TG: variants seen among roughly 807,000 people sequenced by gnomAD.
The protein encoded by TG is thyroglobulin.
Under a neutral mutation model 324.7 loss-of-function variants are expected in TG, and 270 were observed. That is an observed-to-expected ratio of 0.83 (90% CI 0.75 to 0.92). The LOEUF (loss-of-function observed/expected upper bound fraction) is 0.92. Ranked by LOEUF, TG falls within the 40% of genes least tolerant of loss-of-function variation. The pLI, the probability that TG is intolerant of heterozygous loss-of-function variation, is 0.00. For synonymous variants in TG, 1,401 were observed against 1,327.0 expected, an observed-to-expected ratio of 1.06 and a Z score of -1.21; for missense variants, 3,591 against 3,456.4, an observed-to-expected ratio of 1.04 and a Z score of -0.98.
chr8:132,934,606 C>A (rs1823286648), intron 24 of TG, among the ~76,000 whole-genome samples: 1 of 152,172 alleles, frequency 6.6e-6, no homozygotes, highest in Non-Finnish European at 1.5e-5. Context: ...TTTTTGCTCT[C>A]CAAGGCTCTT....
intron 18 of TG, among the ~76,000 whole-genome samples, chr8:132,909,377 T>C (rs532463299): frequency 6.6e-6 from 1 of 152,214 alleles, no homozygotes; most frequent in South Asian, 2.1e-4. Context: ...GCTGAAGACA[T>C]GTGTTTCAAA....
intron 41 of TG, chr8:133,040,151 C>A (rs369387375): frequency 3.8e-6 from 6 of 1,574,180 alleles, no homozygotes; most frequent in Non-Finnish European, 5.2e-6. Context: ...AAGCAGACAG[C>A]CGGTCAGGGA....
rs1241186060 is a variant in TG at position 132,972,592 on chromosome 8, C to T, written c.6056-6C>T. 1.9e-6 allele frequency: 3 copies of T among 1,541,196 alleles called. No homozygotes were observed. In the Admixed American group the frequency reaches 5.2e-5, roughly 27 times the overall value. The stretch of plus-strand genomic sequence containing the variant: ...TGGTTTTTTGTTTTTTTTTTTTCCA[C>T]CCCAGGAGGAGAGGTGACATGTCTC... On this transcript the variant is annotated splice_polypyrimidine_tract_variant and splice_region_variant and intron_variant, in intron 33 of 47. Transcript: ENST00000220616.
intron 41 of TG, chr8:133,076,018 G>A (rs907336871): frequency 1.3e-5 from 2 of 152,112 alleles, no homozygotes; most frequent in Admixed American, 1.3e-4. Context: ...CAGTACGTGA[G>A]TCTCAAGCAG....
At chr8:132,995,651 A>G (rs1220609178) in intron 35 of TG, 3 of 441,712 alleles carry the variant, frequency 6.8e-6, no homozygotes, top group Non-Finnish European at 9.0e-6. Flanking sequence ...TACTCTCTCC[A>G]TGTAGCTTTT....
rs115512686 is a variant in TG, at chr8:133,117,850, G to C, written c.7862+1134G>C. Among the ~76,000 whole-genome samples the C allele has an allele frequency of 8.4e-3, 1,279 of 152,276 alleles. 17 individuals are homozygous for C. The highest frequency in any genetic ancestry group is 0.029 in the African/African-American group (1,213 of 41,532). Reference sequence around the variant, plus strand: ...TGAAAGGACTGCAGCTTTAGAGGTGGGGGTCCAGCCACACCATATACCCGC... The same window carrying C: ...TGAAAGGACTGCAGCTTTAGAGGTGCGGGTCCAGCCACACCATATACCCGC... On this transcript the variant is annotated intron_variant, in intron 45 of 47. Coordinates refer to ENST00000220616, the MANE Select transcript of TG (RefSeq NM_003235.5).
intron 35 of TG, among the ~76,000 whole-genome samples, chr8:132,997,157 C>A (rs117601022): frequency 0.016 from 2,473 of 152,284 alleles, 25 homozygotes; most frequent in Middle Eastern, 0.031. Context: ...ACATTCAGTC[C>A]ACTTGAGCAC....
At chr8:132,908,681 G>A (rs893086674) in intron 18 of TG, among the ~76,000 whole-genome samples, 1 of 152,170 alleles carries the variant, frequency 6.6e-6, no homozygotes, top group African/African-American at 2.4e-5. Flanking sequence ...AGCAGTTAAC[G>A]AGATCACCTC....
chr8:133,092,849 C>A (rs962939483), intron 41 of TG, among the ~76,000 whole-genome samples: 2 of 152,204 alleles, frequency 1.3e-5, no homozygotes, highest in South Asian at 4.1e-4. Flanking sequence ...AAAAAGGTTT[C>A]CTTCAGAAAG....
At chr8:133,060,683 G>A (rs973699946) in intron 41 of TG, among the ~76,000 whole-genome samples, 1 of 152,222 alleles carries the variant, frequency 6.6e-6, no homozygotes, top group Non-Finnish European at 1.5e-5. Context: ...TTGTCAGCAT[G>A]CTTTAACAAA....
intron 25 of TG, among the ~76,000 whole-genome samples, chr8:132,940,433 C>G (rs918711430): frequency 2.0e-5 from 3 of 152,212 alleles, no homozygotes; most frequent in African/African-American, 7.2e-5. Context: ...GATTTGAAAA[C>G]TAGACTTAGG....
At chr8:133,125,078 A>G (rs1440900806) in intron 45 of TG, among the ~76,000 whole-genome samples, 1 of 152,228 alleles carries the variant, frequency 6.6e-6, no homozygotes, top group African/African-American at 2.4e-5. Flanking sequence ...TGCACTATAT[A>G]TCTTCTTCAA....
chr8:133,026,435 A>T (rs934562864), intron 40 of TG, among the ~76,000 whole-genome samples: 13 of 152,198 alleles, frequency 8.5e-5, no homozygotes, highest in African/African-American at 3.1e-4. Flanking sequence ...GAAAGGAAGC[A>T]GTTGCTGGGT....
intron 41 of TG, among the ~76,000 whole-genome samples, chr8:133,039,712 C>T (rs1382219024): frequency 1.3e-5 from 2 of 152,178 alleles, no homozygotes; most frequent in Non-Finnish European, 2.9e-5. Context: ...TGGTATATTT[C>T]AGCTAGAATG....
intron 28 of TG, among the ~76,000 whole-genome samples, chr8:132,962,656 G>A (rs553166829): frequency 6.6e-6 from 1 of 152,282 alleles, no homozygotes; most frequent in South Asian, 2.1e-4. Flanking sequence ...GCCTCTTTAA[G>A]TCTCAGTTTT....
chr8:133,126,388 A>C (rs1851520774), intron 45 of TG, among the ~76,000 whole-genome samples: 1 of 152,228 alleles, frequency 6.6e-6, no homozygotes, highest in Admixed American at 6.5e-5. Flanking sequence ...TTGAGGATGC[A>C]TGTTTAGGGC....
chr8:132,893,560 T>G, intron 10 of TG, 130 bp from the exon 11 acceptor site: 2 of 1,233,408 alleles, frequency 1.6e-6, no homozygotes, highest in Non-Finnish European at 2.3e-6. Flanking sequence ...GTGGTGTGTA[T>G]GTGTGTGGTG....
At chr8:133,062,305 A>G (rs1842477121) in intron 41 of TG, among the ~76,000 whole-genome samples, 1 of 152,184 alleles carries the variant, frequency 6.6e-6, no homozygotes, top group African/African-American at 2.4e-5. Flanking sequence ...TTCTAACAGC[A>G]ACACCTGCAG....
intron 35 of TG, among the ~76,000 whole-genome samples, chr8:132,986,410 G>GTATA (rs149462241): frequency 7.4e-5 from 11 of 148,422 alleles, no homozygotes; most frequent in African/African-American, 1.3e-4. Flanking sequence ...ATATGTATGT[G>GTATA]TATATATATA....
Sources: gnomAD v4.1 joint callset for allele counts (sites outside exome capture counted in the v4.1 genomes callset) on GRCh38, gnomAD v4.1.1 for gene constraint, MANE v1.5 for transcripts, NCBI Gene and HGNC (gene_info 2026-07-23, HGNC 2026-07-21) for gene names.